The following SREK1IP1 variants were observed in gnomAD, a reference collection of about 807,000 sequenced individuals.
SREK1IP1 encodes protein SREK1IP1.
SREK1IP1 carries 12 observed loss-of-function variants against 22.8 expected under a neutral mutation model. The observed-to-expected ratio is 0.53, with a 90% CI of 0.34 to 0.85. SREK1IP1 has a LOEUF of 0.85. SREK1IP1 is among the 40% of genes least tolerant of loss of function. The probability of loss-of-function intolerance (pLI) is 0.02; values close to 1 mark genes in which losing one functional copy is unlikely to be tolerated. For synonymous variants in SREK1IP1, 53 were observed against 52.7 expected (o/e 1.01, Z -0.02); for missense variants, 147 against 171.8 (o/e 0.86, Z 0.81).
intron 4 of SREK1IP1, 22 bp from the exon 5 acceptor site, chr5:64,724,595 G>A (rs1742232634): frequency 6.8e-7 from 1 of 1,474,632 alleles, no homozygotes; most frequent in Non-Finnish European, 9.0e-7. Context: ...AATACATACT[G>A]ACTGAGAATT....
chr5:64,724,585 A>C lies in SREK1IP1; in HGVS notation c.279-12T>G. 1.3e-6 allele frequency: 2 copies of C among 1,508,278 alleles called. No homozygotes were observed. The highest frequency in any genetic ancestry group is 2.8e-5 in the South Asian group (2 of 71,474). 93.4% of individuals were successfully genotyped at this position (1,508,278 alleles called of 1,614,324 possible). On this transcript the variant is annotated splice_polypyrimidine_tract_variant and intron_variant, in intron 4 of 4. Coordinates refer to ENST00000513458, the MANE Select transcript of SREK1IP1 (RefSeq NM_173829.4). ...TGGATGAGTAAGACCTATGGATAAT[A>C]ATACATACTGACTGAGAATTGCATT... is the stretch of plus-strand genomic sequence containing the variant.
At chr5:64,749,171 C>A (rs1158259164) in intron 2 of SREK1IP1, among the ~76,000 whole-genome samples, 1 of 151,116 alleles carries the variant, frequency 6.6e-6, no homozygotes, top group African/African-American at 2.4e-5. Context: ...TCTATACACA[C>A]ACACAAAAAC....
rs1742223157 is a variant in SREK1IP1 at position 64,724,197 on chromosome 5, T to G, written c.*187A>C. ...TGGCTATCAAGTAACAAGACTGATTTAATACTTTACAGTTACAGCACATTA... is the reference window on the plus strand; with the variant it reads ...TGGCTATCAAGTAACAAGACTGATTGAATACTTTACAGTTACAGCACATTA... On this transcript the variant is annotated 3_prime_UTR_variant, in exon 5 of 5. Coordinates refer to ENST00000513458, the MANE Select transcript of SREK1IP1 (RefSeq NM_173829.4). 4.1e-6 allele frequency: 2 copies of G among 493,152 alleles called. No individual in the cohort carries two copies. Among genetic ancestry groups the G allele is most frequent in the African/African-American group, 4.0e-5 (2 of 50,616 alleles). The allele number at this position is 493,152 out of a possible 1,614,324, so 30.5% of individuals were successfully genotyped here.
intron 4 of SREK1IP1, among the ~76,000 whole-genome samples, chr5:64,727,368 A>C (rs1179007377): frequency 6.9e-6 from 1 of 144,976 alleles, no homozygotes; most frequent in African/African-American, 2.9e-5. Context: ...AAGAGTTAAT[A>C]GTAAAAATGC....
chr5:64,735,782 T>C (rs1294854370), intron 3 of SREK1IP1, among the ~76,000 whole-genome samples: 1 of 152,136 alleles, frequency 6.6e-6, no homozygotes, highest in African/African-American at 2.4e-5. Flanking sequence ...TGGATAGTGA[T>C]TTTTCAGTTT....
chr5:64,764,983 T>C (rs1743010611), intron 1 of SREK1IP1: 1 of 152,206 alleles, frequency 6.6e-6, no homozygotes, highest in African/African-American at 2.4e-5. Context: ...ACCTTGGCTA[T>C]AGGGCTTCAG....
At position 64,742,309 on chromosome 5, in the gene SREK1IP1, T is replaced by G. The variant is rs371140552; in HGVS notation, c.62-1109A>C. Among the ~76,000 whole-genome samples, 6 of 152,244 alleles carry G rather than the reference T, an allele frequency of 3.9e-5. 1 individual carries two copies. The East Asian group carries it at 1.2e-3, about 29-fold the overall frequency. ...AGTTGTACATGTCTCTTTGTGCACA[T>G]GTACTAGGTTTTCTTTAGGGTAGCA... is the stretch of plus-strand genomic sequence containing the variant. On this transcript the variant is annotated intron_variant, in intron 2 of 4. Coordinates refer to ENST00000513458, the MANE Select transcript of SREK1IP1 (RefSeq NM_173829.4).
chr5:64,724,618 G>A, intron 4 of SREK1IP1, 45 bp from the exon 5 acceptor site: 4 of 1,369,238 alleles, frequency 2.9e-6, no homozygotes, highest in Non-Finnish European at 3.9e-6. Context: ...ATTTATGACT[G>A]ATAGATAAAT....
chr5:64,742,952 T>C (rs947802638), intron 2 of SREK1IP1, among the ~76,000 whole-genome samples: 1 of 152,214 alleles, frequency 6.6e-6, no homozygotes, highest in South Asian at 2.1e-4. Context: ...AGAAGCACTC[T>C]TTTTAGCTTC....
At chr5:64,748,796 C>G (rs1404372132) in intron 2 of SREK1IP1, among the ~76,000 whole-genome samples, 1 of 152,098 alleles carries the variant, frequency 6.6e-6, no homozygotes, top group African/African-American at 2.4e-5. Context: ...TGCCTAATGT[C>G]ACATAGCTAG....
chr5:64,760,743 A>C (rs1310597839), intron 1 of SREK1IP1, among the ~76,000 whole-genome samples: 2 of 152,212 alleles, frequency 1.3e-5, no homozygotes, highest in Non-Finnish European at 2.9e-5. Flanking sequence ...TCTCTAAATA[A>C]ATCTGTCCTG....
intron 2 of SREK1IP1, among the ~76,000 whole-genome samples, chr5:64,746,762 A>G (rs554980017): frequency 2.6e-5 from 4 of 152,176 alleles, no homozygotes; most frequent in Non-Finnish European, 5.9e-5. Flanking sequence ...TGGGTGTTCA[A>G]CAATTCAATT....
At chr5:64,765,221 T>C (rs769432591) in intron 1 of SREK1IP1, 5 of 152,242 alleles carry the variant, frequency 3.3e-5, no homozygotes, top group Non-Finnish European at 5.9e-5. Context: ...AAGATTTTCC[T>C]AAATGCCTAC....
At chr5:64,754,598 AGAC>A in intron 1 of SREK1IP1, 1 of 428,466 alleles carries the variant, frequency 2.3e-6, no homozygotes, top group Non-Finnish European at 4.3e-6. Context: ...CAAGCAGCTG[AGAC>A]TACAGGCATG....
At chr5:64,729,277 A>G (rs966251006) in intron 3 of SREK1IP1, among the ~76,000 whole-genome samples, 3 of 152,184 alleles carry the variant, frequency 2.0e-5, no homozygotes, top group Non-Finnish European at 4.4e-5. Context: ...ACTTATAGTT[A>G]AGTGGTGAGA....
chr5:64,747,614 T>C (rs1275188846), intron 2 of SREK1IP1, among the ~76,000 whole-genome samples: 1 of 152,188 alleles, frequency 6.6e-6, no homozygotes, highest in Non-Finnish European at 1.5e-5. Context: ...TAAAATGGTA[T>C]AGCTGTTACG....
rs1035073284 is a variant in SREK1IP1 at position 64,718,963 on chromosome 5, T to C, written c.*5421A>G. The C allele has an allele frequency of 6.6e-6, 1 of 152,210 alleles. No individual in the cohort carries two copies. Among genetic ancestry groups the C allele is most frequent in the Admixed American group, 6.5e-5 (1 of 15,288 alleles). 9.4% of individuals were successfully genotyped at this position (152,210 alleles called of 1,614,324 possible). A position where few individuals can be genotyped will look rare whatever the true frequency, so the allele number is the denominator to read the frequency against. ...AATGTGCTGAATACAGCTTCTCTGG[T>C]CTGATATATAAAAAAGAATACCTTA... On this transcript the variant is annotated 3_prime_UTR_variant, in exon 5 of 5. Coordinates refer to ENST00000513458, the MANE Select transcript of SREK1IP1 (RefSeq NM_173829.4).
At chr5:64,760,933 A>G (rs1209797285) in intron 1 of SREK1IP1, among the ~76,000 whole-genome samples, 1 of 152,250 alleles carries the variant, frequency 6.6e-6, no homozygotes, top group African/African-American at 2.4e-5. Context: ...AAAATGTGAA[A>G]GGTGATTAAA....
intron 3 of SREK1IP1, among the ~76,000 whole-genome samples, chr5:64,738,233 G>C (rs1393997954): frequency 6.6e-6 from 1 of 152,184 alleles, no homozygotes; most frequent in Non-Finnish European, 1.5e-5. Context: ...CTATGATCAA[G>C]TGGGATTCAT....
Sources: gnomAD v4.1 joint callset for allele counts (sites outside exome capture counted in the v4.1 genomes callset) on GRCh38, gnomAD v4.1.1 for gene constraint, MANE v1.5 for transcripts, NCBI Gene and HGNC (gene_info 2026-07-23, HGNC 2026-07-21) for gene names.